ZNF93: variants seen among roughly 807,000 people sequenced by gnomAD.
ZNF93 encodes the protein zinc finger protein 93, also known as zinc finger protein 505.
Under a neutral mutation model 45.0 loss-of-function variants are expected in ZNF93, and 29 were observed. The ratio of observed to expected loss-of-function variants is 0.64; its 90% CI spans 0.48 to 0.88. The LOEUF (loss-of-function observed/expected upper bound fraction) is 0.88, where lower values mean the gene tolerates loss of function less well. Ranked by LOEUF, ZNF93 falls within the 40% of genes least tolerant of loss-of-function variation. The pLI is 0.00. For missense variants in ZNF93, 578 were observed against 724.0 expected, an observed-to-expected ratio of 0.80 and a Z score of 2.31; for synonymous variants, 223 against 244.6, an observed-to-expected ratio of 0.91 and a Z score of 0.82.
At chr19:19,919,857 C>T (rs531865140) in intron 3 of ZNF93, among the ~76,000 whole-genome samples, 23 of 152,246 alleles carry the variant, frequency 1.5e-4, no homozygotes, top group Admixed American at 2.6e-4. Flanking sequence ...TGGGCTGAGA[C>T]GATGGGGTTT....
intron 3 of ZNF93, chr19:19,932,195 C>A: frequency 1.2e-5 from 2 of 161,868 alleles, no homozygotes; most frequent in Non-Finnish European, 2.7e-5. Context: ...ATCACTAGAA[C>A]CCAGGAGGCA....
chr19:19,918,780 C>T (rs557817844), intron 3 of ZNF93, among the ~76,000 whole-genome samples: 31 of 152,132 alleles, frequency 2.0e-4, no homozygotes, highest in Non-Finnish European at 3.8e-4. Context: ...ATATCCTTCG[C>T]CCACTTTTCG....
At chr19:19,917,680 C>T (rs2063328526) in intron 3 of ZNF93, among the ~76,000 whole-genome samples, 1 of 152,006 alleles carries the variant, frequency 6.6e-6, no homozygotes, top group Non-Finnish European at 1.5e-5. Flanking sequence ...CCACACCTGG[C>T]TAATTTTGTA....
intron 3 of ZNF93, among the ~76,000 whole-genome samples, chr19:19,922,014 C>A (rs542717086): frequency 2.9e-4 from 44 of 152,202 alleles, no homozygotes; most frequent in Admixed American, 6.6e-4. Context: ...TTTGCTCATT[C>A]GTTGATGCAG....
In ZNF93 at chr19:19,934,368, TAAG is replaced by T. The variant is rs767614116; in HGVS notation, c.1416_1418del (p.Lys473del). 12 of 1,613,664 alleles carry T rather than the reference TAAG, an allele frequency of 7.4e-6. No individual in the cohort carries two copies. On this transcript the variant is annotated inframe_deletion, in exon 4 of 4. Coordinates refer to ENST00000343769, the MANE Select transcript of ZNF93 (RefSeq NM_031218.4). The stretch of plus-strand genomic sequence containing the variant: ...ACCAGTCCTCATCCCTTACTAAACA[TAAG>T]AAAATTCATACTGGAGAGAAACCCT...
At chr19:19,901,830 G>A (rs760289066) in intron 1 of ZNF93, among the ~76,000 whole-genome samples, 2 of 151,794 alleles carry the variant, frequency 1.3e-5, no homozygotes, top group African/African-American at 2.4e-5. Context: ...GGTGGCTGAT[G>A]CCTGTAATCC....
chr19:19,902,718 T>A (rs990124134), intron 1 of ZNF93, among the ~76,000 whole-genome samples: 2 of 149,592 alleles, frequency 1.3e-5, no homozygotes, highest in Non-Finnish European at 3.0e-5. Flanking sequence ...AAGGTTAAGA[T>A]GAAAGGAAAC....
chr19:19,910,650 CT>C (rs35098061), intron 1 of ZNF93, among the ~76,000 whole-genome samples: 44,066 of 137,910 alleles, frequency 0.32, 7,870 homozygotes, highest in African/African-American at 0.53. Flanking sequence ...GTTCTTTCAG[CT>C]TTTTTTTTTT....
intron 3 of ZNF93, among the ~76,000 whole-genome samples, chr19:19,929,433 T>C (rs944186565): frequency 2.0e-5 from 3 of 152,240 alleles, no homozygotes; most frequent in African/African-American, 7.2e-5. Flanking sequence ...GGTCTTGATG[T>C]CTACAATCAT....
chr19:19,934,901 TC>T lies in ZNF93; in HGVS notation c.*86del. On this transcript the variant is annotated 3_prime_UTR_variant, in exon 4 of 4. Transcript: ENST00000343769. ...GAGTTCTGAACTTACTCTGTAACCA[TC>T]CCAAACTCCTCCCAGGCACAGTCTG... is the stretch of plus-strand genomic sequence containing the variant. The T allele has an allele frequency of 1.4e-6, 2 of 1,420,772 alleles. No individual in the cohort carries two copies. The highest frequency in any genetic ancestry group is 1.9e-6 in the Non-Finnish European group (2 of 1,054,218). The allele number at this position is 1,420,772 out of a possible 1,614,324, so 88.0% of individuals were successfully genotyped here.
chr19:19,928,714 G>C (rs926667412), intron 3 of ZNF93, among the ~76,000 whole-genome samples: 4 of 152,136 alleles, frequency 2.6e-5, no homozygotes, highest in Non-Finnish European at 4.4e-5. Context: ...TTTTTGTAGT[G>C]TTAGGATCTC....
rs151246569 is a variant in ZNF93, at chr19:19,934,179, C to T, written c.1224C>T (p.Tyr408=). The change falls in exon 4 of 4, where the codon TAC becomes TAT. Residue 408 remains tyrosine (Y), a synonymous_variant. Transcript: ENST00000343769. The part of the protein sequence containing the change: ...KCEECGKAFK[Y]SSTLSSHKRS... ...AAGAATGTGGCAAAGCCTTTAAGTA[C>T]TCCTCTACCCTTAGTTCACATAAGA... The T allele has an allele frequency of 1.1e-5, 18 of 1,599,388 alleles. No individual in the cohort carries two copies. Among genetic ancestry groups the T allele is most frequent in the Non-Finnish European group, 1.4e-5 (17 of 1,175,816 alleles).
intron 3 of ZNF93, among the ~76,000 whole-genome samples, chr19:19,917,602 T>TA (rs1359747262): frequency 6.6e-6 from 1 of 152,212 alleles, no homozygotes; most frequent in Non-Finnish European, 1.5e-5. Context: ...AAATTTTTTT[T>TA]ATTTTTTGAC....
At chr19:19,913,390 G>A (rs1027864564) in intron 1 of ZNF93, among the ~76,000 whole-genome samples, 2 of 152,106 alleles carry the variant, frequency 1.3e-5, no homozygotes, top group Non-Finnish European at 2.9e-5. Context: ...TTTTAATGAA[G>A]TGCCTCATGT....
chr19:19,915,191 A>C lies in ZNF93; in HGVS notation c.4-89A>C, dbSNP rs1010711309. ...TTAGTCAGTCCTATAAGTCAGAACCACTTCTCTTTACTCTCTCATTTCACC... is the reference window on the plus strand; with the variant it reads ...TTAGTCAGTCCTATAAGTCAGAACCCCTTCTCTTTACTCTCTCATTTCACC... On this transcript the variant is annotated intron_variant, in intron 1 of 3. Transcript: ENST00000343769. The C allele has an allele frequency of 5.6e-6, 9 of 1,605,318 alleles. No individual in the cohort carries two copies. The Admixed American group carries it at 1.3e-4, about 24-fold the overall frequency.
intron 1 of ZNF93, chr19:19,914,970 T>C (rs895180919): frequency 1.9e-5 from 7 of 361,484 alleles, no homozygotes; most frequent in Non-Finnish European, 3.1e-5. Flanking sequence ...ATGAAACATA[T>C]TCACATCTCA....
intron 1 of ZNF93, chr19:19,908,891 G>A (rs189140844): frequency 2.0e-5 from 3 of 148,626 alleles, no homozygotes; most frequent in East Asian, 2.1e-4. Context: ...TGGAGATTTG[G>A]TTTTCTCTCT....
Position 19,907,045 on chromosome 19 carries a change from AT to A in ZNF93, c.3+5956del, listed in dbSNP as rs1360951967. Among the ~76,000 whole-genome samples the A allele has an allele frequency of 1.8e-4, 27 of 151,598 alleles. No homozygotes were observed. The East Asian group carries it at 3.1e-3, about 17-fold the overall frequency. The stretch of plus-strand genomic sequence containing the variant: ...TTCTCTCTTCTCTTTAGGGATTTAG[AT>A]TATATATAGATGTTTTTTCTGCTTT... On this transcript the variant is annotated intron_variant, in intron 1 of 3. Coordinates refer to ENST00000343769, the MANE Select transcript of ZNF93 (RefSeq NM_031218.4).
At chr19:19,917,199 A>G (rs1411446597) in intron 3 of ZNF93, among the ~76,000 whole-genome samples, 2 of 151,966 alleles carry the variant, frequency 1.3e-5, no homozygotes, top group South Asian at 4.2e-4. Flanking sequence ...GGCTATTCAC[A>G]CTTTTATTGT....
Sources: allele counts gnomAD v4.1 joint callset (sites outside exome capture counted in the v4.1 genomes callset), GRCh38; gene constraint gnomAD v4.1.1; transcripts MANE v1.5; gene names NCBI Gene and HGNC (gene_info 2026-07-23, HGNC 2026-07-21).